SEC14L2: variants seen among roughly 807,000 people sequenced by gnomAD.
The protein encoded by SEC14L2 is SEC14 like lipid binding 2.
A neutral mutation model predicts 56.9 loss-of-function variants in SEC14L2; 50 were observed. The observed-to-expected ratio is 0.88, with a 90% CI of 0.70 to 1.11. The LOEUF (loss-of-function observed/expected upper bound fraction) is 1.11, where lower values mean the gene tolerates loss of function less well. SEC14L2 is among the 50% of genes most tolerant of loss of function. SEC14L2 has a pLI of 0.00. For synonymous variants in SEC14L2, 179 were observed against 188.5 expected (o/e 0.95, Z 0.41); for missense variants, 414 against 500.7 (o/e 0.83, Z 1.65).
chr22:30,422,322 A>G lies in SEC14L2; in HGVS notation c.1127A>G (p.Lys376Arg). 1.2e-6 allele frequency: 2 copies of G among 1,614,200 alleles called. No homozygotes were observed. Among genetic ancestry groups the G allele is most frequent in the Non-Finnish European group, 1.7e-6 (2 of 1,180,042 alleles). ...ACCTACAGCTTCATTCATGCCAAGA[A>G]GGTCAATTTCACTGTGGAGGTCCTG... Reference protein sequence around the residue: ...DNTYSFIHAKKVNFTVEVLLP... With the variant: ...DNTYSFIHAKRVNFTVEVLLP... The change falls in exon 12 of 12, where the codon AAG becomes AGG. Residue 376 changes from lysine (K) to arginine (R), a missense_variant. Lys to Arg is a conservative substitution (Grantham distance 26). Coordinates refer to ENST00000615189, the MANE Select transcript of SEC14L2 (RefSeq NM_012429.5).
Position 30,425,056 on chromosome 22 carries a change from A to G in SEC14L2, c.*2649A>G. On this transcript the variant is annotated 3_prime_UTR_variant, in exon 12 of 12. Coordinates refer to ENST00000615189, the MANE Select transcript of SEC14L2 (RefSeq NM_012429.5). ...CCAGGGGCTCACCGTTCACTCCTCT[A>G]GCCTCATTTAGAGCTCGCATTAAGA... 1 of 312,446 alleles carries G rather than the reference A, an allele frequency of 3.2e-6. No individual in the cohort carries two copies. 19.4% of individuals were successfully genotyped at this position (312,446 alleles called of 1,614,324 possible). A position where few individuals can be genotyped will look rare whatever the true frequency, so the allele number is the denominator to read the frequency against.
At chr22:30,401,524 T>C (rs1255832325) in intron 2 of SEC14L2, among the ~76,000 whole-genome samples, 5 of 150,006 alleles carry the variant, frequency 3.3e-5, no homozygotes, top group African/African-American at 1.2e-4. Flanking sequence ...ATTATTTTTA[T>C]TTTTTTTGAG....
rs2146037858 is a variant in SEC14L2, at chr22:30,416,377, C to T, written c.1055C>T (p.Thr352Ile). 1 of 1,614,194 alleles carries T rather than the reference C, an allele frequency of 6.2e-7. No individual in the cohort carries two copies. Among genetic ancestry groups the T allele is most frequent in the East Asian group, 2.2e-5 (1 of 44,882 alleles). ...YNSHLVPEDG[T>I]LTCSDPGIYV... is the part of the protein sequence containing the mutation. ...TCCCACCTGGTCCCTGAAGATGGGACCCTCACCTGCAGTGATCCTGGCATC... is the reference window on the plus strand; with the variant it reads ...TCCCACCTGGTCCCTGAAGATGGGATCCTCACCTGCAGTGATCCTGGCATC... Residue 352 changes from threonine (T) to isoleucine (I), a missense_variant, in exon 11 of 12, where the codon ACC (threonine) becomes ATC (isoleucine). By Grantham distance (89) the Thr-to-Ile change is moderately conservative (BLOSUM62 -1). Coordinates refer to ENST00000615189, the MANE Select transcript of SEC14L2 (RefSeq NM_012429.5).
At chr22:30,397,675 GCTC>G (rs1018642220) in intron 1 of SEC14L2, 5 of 338,294 alleles carry the variant, frequency 1.5e-5, no homozygotes, top group Non-Finnish European at 2.4e-5. Flanking sequence ...CCTTCTCTTT[GCTC>G]CTCGATGCCA....
At chr22:30,410,487 C>A in intron 7 of SEC14L2, 109 bp from the exon 8 acceptor site, 1 of 1,029,986 alleles carries the variant, frequency 9.7e-7, no homozygotes, top group Non-Finnish European at 1.5e-6. Context: ...CCCTGGGGAA[C>A]ATGTGGCCCA....
chr22:30,407,262 C>G, intron 4 of SEC14L2, 108 bp downstream of exon 4: 2 of 1,458,066 alleles, frequency 1.4e-6, no homozygotes, highest in East Asian at 2.3e-5. Flanking sequence ...CTGACAATGC[C>G]CACTGAGCCC....
At position 30,407,608 on chromosome 22, in the gene SEC14L2, G is replaced by A. The variant is rs1934133819; in HGVS notation, c.423+5G>A. Reference sequence around the variant, plus strand: ...TGTGCCCACCAGACCACAAAGGTGAGTGGACCACCATGGCTAGAAATGAGT... The same window carrying A: ...TGTGCCCACCAGACCACAAAGGTGAATGGACCACCATGGCTAGAAATGAGT... On this transcript the variant is annotated splice_donor_5th_base_variant and intron_variant, in intron 5 of 11. Transcript: ENST00000615189. The A allele has an allele frequency of 1.9e-6, 3 of 1,611,606 alleles. No homozygotes were observed. Among genetic ancestry groups the A allele is most frequent in the African/African-American group, 2.7e-5 (2 of 75,010 alleles).
intron 1 of SEC14L2, among the ~76,000 whole-genome samples, chr22:30,398,977 G>A (rs558210047): frequency 6.6e-5 from 10 of 152,342 alleles, no homozygotes; most frequent in Non-Finnish European, 1.2e-4. Context: ...AGCGCTGAGC[G>A]ACAGGAAATG....
intron 11 of SEC14L2, among the ~76,000 whole-genome samples, chr22:30,419,957 C>CTTT (rs762892426): frequency 7.3e-6 from 1 of 137,146 alleles, no homozygotes; most frequent in African/African-American, 2.8e-5. Context: ...CTTTTCTTTT[C>CTTT]TTTTTTTTTT....
chr22:30,414,620 T>C (rs1934338314), intron 8 of SEC14L2, among the ~76,000 whole-genome samples: 1 of 152,214 alleles, frequency 6.6e-6, no homozygotes, highest in Admixed American at 6.5e-5. Flanking sequence ...TGCCTATATA[T>C]GCTCTATATA....
chr22:30,415,996 G>A lies in SEC14L2; in HGVS notation c.820G>A (p.Val274Met). 1 of 1,614,222 alleles carries A rather than the reference G, an allele frequency of 6.2e-7. No individual in the cohort carries two copies. ...CAGGAAGTATTATGTGCGAGACCAGGTGAAACAGCAGTATGAACACAGCGT... is the reference window on the plus strand; with the variant it reads ...CAGGAAGTATTATGTGCGAGACCAGATGAAACAGCAGTATGAACACAGCGT... The part of the protein sequence containing the change: ...IPRKYYVRDQ[V>M]KQQYEHSVQI... Residue 274 changes from valine to methionine, a missense_variant, in exon 10 of 12, where the codon GTG (valine) becomes ATG (methionine). Transcript: ENST00000615189.
chr22:30,410,570 C>T, intron 7 of SEC14L2, 26 bp from the exon 8 acceptor site: 3 of 1,608,244 alleles, frequency 1.9e-6, no homozygotes, highest in African/African-American at 1.3e-5. Context: ...TGCTCCCAGC[C>T]TCACATTATC....
At chr22:30,419,059 A>G (rs539950895) in intron 11 of SEC14L2, among the ~76,000 whole-genome samples, 1 of 152,344 alleles carries the variant, frequency 6.6e-6, no homozygotes, top group Non-Finnish European at 1.5e-5. Flanking sequence ...TCCCAAAGAA[A>G]GATCTGGACT....
chr22:30,416,615 T>C, intron 11 of SEC14L2: 1 of 1,461,922 alleles, frequency 6.8e-7, no homozygotes, highest in Non-Finnish European at 9.0e-7. Flanking sequence ...GGGACTTTGA[T>C]CTCATACTCC....
Position 30,415,985 on chromosome 22 carries a change from T to G in SEC14L2, c.809T>G (p.Val270Gly). Reference protein sequence around the residue: ...YGGDIPRKYYVRDQVKQQYEH... With the variant: ...YGGDIPRKYYGRDQVKQQYEH... ...GGTGACATCCCCAGGAAGTATTATG[T>G]GCGAGACCAGGTGAAACAGCAGTAT... Residue 270 changes from valine to glycine, a missense_variant, in exon 10 of 12, where the codon GTG becomes GGG. Coordinates refer to ENST00000615189, the MANE Select transcript of SEC14L2 (RefSeq NM_012429.5). 2 of 1,614,234 alleles carry G rather than the reference T, an allele frequency of 1.2e-6. No individual in the cohort carries two copies. Among genetic ancestry groups the G allele is most frequent in the East Asian group, 2.2e-5 (1 of 44,886 alleles).
intron 5 of SEC14L2, among the ~76,000 whole-genome samples, chr22:30,408,432 A>G (rs527857795): frequency 6.6e-6 from 1 of 152,330 alleles, no homozygotes; most frequent in African/African-American, 2.4e-5. Flanking sequence ...TCTCTACAAA[A>G]AAAAGTAAAA....
At position 30,422,336 on chromosome 22, in the gene SEC14L2, G is replaced by T; in HGVS notation, c.1141G>T (p.Val381Leu). 1 of 1,614,214 alleles carries T rather than the reference G, an allele frequency of 6.2e-7. No homozygotes were observed. The change falls in exon 12 of 12, where the codon GTG (valine) becomes TTG (leucine). Residue 381 changes from valine (V) to leucine (L), a missense_variant. By Grantham distance (32) the Val-to-Leu change is conservative (BLOSUM62 1). Transcript: ENST00000615189. Reference protein sequence around the residue: ...FIHAKKVNFTVEVLLPDKASE... With the variant: ...FIHAKKVNFTLEVLLPDKASE... ...TCATGCCAAGAAGGTCAATTTCACT[G>T]TGGAGGTCCTGCTTCCAGACAAAGC... is the stretch of plus-strand genomic sequence containing the variant.
intron 1 of SEC14L2, chr22:30,398,801 G>A (rs976006670): frequency 2.1e-6 from 1 of 470,380 alleles, no homozygotes; most frequent in Non-Finnish European, 4.4e-6. Context: ...TGTGTGCTCT[G>A]GACTCAGACA....
Position 30,422,293 on chromosome 22 carries a change from C to A in SEC14L2, c.1098C>A (p.Asp366Glu). The change falls in exon 12 of 12, where the codon GAC (aspartate) becomes GAA (glutamate). Residue 366 changes from aspartate (D) to glutamate (E), a missense_variant. By Grantham distance (45) the Asp-to-Glu change is conservative. Coordinates refer to ENST00000615189, the MANE Select transcript of SEC14L2 (RefSeq NM_012429.5). ...TTCCCTCAGATGTCCTGCGGTTTGA[C>A]AACACCTACAGCTTCATTCATGCCA... ...SDPGIYVLRF[D>E]NTYSFIHAKK... is the part of the protein sequence containing the mutation. 6 of 1,614,172 alleles carry A rather than the reference C, an allele frequency of 3.7e-6. No homozygotes were observed. The highest frequency in any genetic ancestry group is 5.1e-6 in the Non-Finnish European group (6 of 1,180,006).
Sources: allele counts gnomAD v4.1 joint callset (sites outside exome capture counted in the v4.1 genomes callset), GRCh38; gene constraint gnomAD v4.1.1; transcripts MANE v1.5; gene names NCBI Gene and HGNC (gene_info 2026-07-23, HGNC 2026-07-21).